Variants in ARFGEF1 observed in about 807,000 individuals in gnomAD.
The protein encoded by ARFGEF1 is brefeldin A-inhibited guanine nucleotide-exchange protein 1.
A neutral mutation model predicts 231.0 loss-of-function variants in ARFGEF1; 42 were observed. The observed-to-expected ratio is 0.18, with a 90% confidence interval of 0.14 to 0.24. The LOEUF (loss-of-function observed/expected upper bound fraction) is 0.24. Among genes scored for constraint, ARFGEF1 ranks in the 10% least tolerant of loss-of-function variants. ARFGEF1 has a pLI of 1.00. For synonymous variants in ARFGEF1, 710 were observed against 732.3 expected, an observed-to-expected ratio of 0.97 and a Z score of 0.49; for missense variants, 1,345 against 2,192.0, an observed-to-expected ratio of 0.61 and a Z score of 7.72.
intron 36 of ARFGEF1, 90 bp downstream of exon 36, chr8:67,202,993 T>G: frequency 7.4e-7 from 1 of 1,348,542 alleles, no homozygotes; most frequent in Non-Finnish European, 1.0e-6. Context: ...CACAGACCTA[T>G]AGCAGACAGT....
chr8:67,311,409 G>A (rs1370738007), intron 1 of ARFGEF1, among the ~76,000 whole-genome samples: 3 of 139,432 alleles, frequency 2.2e-5, no homozygotes, highest in Admixed American at 6.9e-5. Flanking sequence ...CCGTCCGGGA[G>A]GGAGGTGGGG....
chr8:67,193,379 T>TA, downstream of ARFGEF1: 1 of 1,233,728 alleles, frequency 8.1e-7, no homozygotes, highest in Non-Finnish European at 1.2e-6. Flanking sequence ...TCACAGGTGA[T>TA]AGGCACCATG....
intron 18 of ARFGEF1, among the ~76,000 whole-genome samples, chr8:67,251,921 T>G (rs1840296491): frequency 6.6e-6 from 1 of 152,068 alleles, no homozygotes; most frequent in Admixed American, 6.5e-5. Flanking sequence ...AGAATACAAT[T>G]ATCAGGGAAA....
chr8:67,211,345 CA>C (rs375793043), intron 34 of ARFGEF1, 137 bp downstream of exon 34: 36,041 of 246,132 alleles, frequency 0.15, no homozygotes, highest in Middle Eastern at 0.19. Flanking sequence ...AACTCCGTCT[CA>C]AAAAAAAAAA....
chr8:67,194,174 C>T (rs1837221542), downstream of ARFGEF1, among the ~76,000 whole-genome samples: 1 of 152,204 alleles, frequency 6.6e-6, no homozygotes, highest in Non-Finnish European at 1.5e-5. Context: ...CAGCCCTACA[C>T]CACCCTTTTC....
At chr8:67,179,047 T>G (rs1408544920) in intron 5 of ARFGEF1, among the ~76,000 whole-genome samples, 1 of 152,202 alleles carries the variant, frequency 6.6e-6, no homozygotes, top group Non-Finnish European at 1.5e-5. Flanking sequence ...ATTCATTGCC[T>G]TAAAAATTAA....
In ARFGEF1 at chr8:67,181,324, C is replaced by T. The variant is rs190312131; in HGVS notation, c.561-5752G>A. On this transcript the variant is annotated intron_variant, in intron 5 of 5. Coordinates refer to the ARFGEF1 transcript ENST00000518789. ...AATTGCTGGGATTACAGGCATGAGC[C>T]ACTGTACCTGGCCATTTTTTTTTTT... 1.4e-3 allele frequency among the ~76,000 whole-genome samples: 215 copies of T among 150,898 alleles called. 1 individual carries two copies. The highest frequency in any genetic ancestry group is 5.1e-3 in the African/African-American group (210 of 40,916).
At chr8:67,193,466 T>C (rs1836992286), downstream of ARFGEF1, 2 of 1,612,488 alleles carry the variant, frequency 1.2e-6, no homozygotes, top group Non-Finnish European at 8.5e-7. Flanking sequence ...AACTACAGGA[T>C]AGCAGTCGTC....
chr8:67,269,300 T>C (rs1207895292), intron 10 of ARFGEF1, among the ~76,000 whole-genome samples: 1 of 152,012 alleles, frequency 6.6e-6, no homozygotes, highest in Non-Finnish European at 1.5e-5. Context: ...ACAATCTTAA[T>C]TTTGTTTTGC....
chr8:67,310,756 C>G (rs994124587), intron 1 of ARFGEF1, among the ~76,000 whole-genome samples: 2 of 151,094 alleles, frequency 1.3e-5, no homozygotes, highest in Non-Finnish European at 3.0e-5. Context: ...GCGACCCCGT[C>G]TGGGAGGTGA....
chr8:67,218,440 A>G (rs977345654), intron 30 of ARFGEF1, among the ~76,000 whole-genome samples: 2 of 151,766 alleles, frequency 1.3e-5, no homozygotes, highest in Non-Finnish European at 2.9e-5. Context: ...TCATCTTGAT[A>G]CTAACATTAT....
chr8:67,239,916 T>C (rs536107932), intron 20 of ARFGEF1, among the ~76,000 whole-genome samples: 3 of 151,714 alleles, frequency 2.0e-5, no homozygotes, highest in Non-Finnish European at 2.9e-5. Flanking sequence ...ACTTTCTGTA[T>C]AGTCTTCAAT....
intron 17 of ARFGEF1, 41 bp from the exon 18 acceptor site, chr8:67,253,663 A>G: frequency 1.7e-6 from 2 of 1,152,084 alleles, no homozygotes; most frequent in Non-Finnish European, 2.4e-6. Context: ...AAATTAACAT[A>G]AAGGTTACAC....
rs575219502 is a variant in ARFGEF1, at chr8:67,213,239, C to T, written c.4687-1624G>A. 1.2e-4 allele frequency among the ~76,000 whole-genome samples: 18 copies of T among 152,200 alleles called. No individual in the cohort carries two copies. In the South Asian group the frequency reaches 3.3e-3, roughly 28 times the overall value. On this transcript the variant is annotated intron_variant, in intron 33 of 38. Transcript: ENST00000262215. Reference sequence around the variant, plus strand: ...GTGGGGAACAAATCTGGTCAGTTGGCGTTAGTTTGCTACTTTACAGCCTCC... The same window carrying T: ...GTGGGGAACAAATCTGGTCAGTTGGTGTTAGTTTGCTACTTTACAGCCTCC...
Position 67,204,837 on chromosome 8 carries a change from C to A in ARFGEF1, c.4820-18G>T, listed in dbSNP as rs376184467. 14 of 1,612,052 alleles carry A rather than the reference C, an allele frequency of 8.7e-6. No homozygotes were observed. The highest frequency in any genetic ancestry group is 1.0e-5 in the Non-Finnish European group (12 of 1,179,698). On this transcript the variant is annotated intron_variant, in intron 34 of 38. Coordinates refer to ENST00000262215, the MANE Select transcript of ARFGEF1 (RefSeq NM_006421.5). ...TGGAAATTCTGTGAGGAAACCCCCC[C>A]CAATGCACATGCAAACAAAAAATTA...
chr8:67,244,266 A>AAAAAAAAAC (rs1563860748), intron 19 of ARFGEF1, among the ~76,000 whole-genome samples: 1 of 17,208 alleles, frequency 5.8e-5, no homozygotes, highest in African/African-American at 2.9e-4. Flanking sequence ...AAAAAAAAAA[A>AAAAAAAAAC]AACATTCGAC....
intron 5 of ARFGEF1, among the ~76,000 whole-genome samples, chr8:67,183,140 G>C (rs1243317537): frequency 6.6e-6 from 1 of 152,216 alleles, no homozygotes; most frequent in African/African-American, 2.4e-5. Context: ...TAACCACAGA[G>C]TGTCAAAATA....
At chr8:67,206,335 G>A (rs1289354374) in intron 34 of ARFGEF1, among the ~76,000 whole-genome samples, 3 of 151,096 alleles carry the variant, frequency 2.0e-5, no homozygotes, top group South Asian at 2.1e-4. Context: ...GCTTGATCCC[G>A]GGAGGCGGAG....
intron 4 of ARFGEF1, among the ~76,000 whole-genome samples, chr8:67,298,016 G>T (rs954390767): frequency 2.0e-5 from 3 of 151,890 alleles, no homozygotes; most frequent in African/African-American, 7.3e-5. Context: ...GTGTTGCCCA[G>T]GCTGGTCTCG....
Sources: gnomAD v4.1 joint callset for allele counts (sites outside exome capture counted in the v4.1 genomes callset) on GRCh38, gnomAD v4.1.1 for gene constraint, MANE v1.5 for transcripts, NCBI Gene and HGNC (gene_info 2026-07-23, HGNC 2026-07-21) for gene names.